ATP8A2: variants seen among roughly 807,000 people sequenced by gnomAD.
The protein encoded by ATP8A2 is phospholipid-transporting ATPase IB.
In ATP8A2, 100 loss-of-function variants were observed where a neutral mutation model predicts 165.6. The ratio of observed to expected loss-of-function variants is 0.60; its 90% CI spans 0.51 to 0.71. The LOEUF is 0.71. Among genes scored for constraint, ATP8A2 ranks in the 30% least tolerant of loss-of-function variants. The pLI is 0.00. For missense variants in ATP8A2, 1,227 were observed against 1,479.5 expected, an observed-to-expected ratio of 0.83 and a Z score of 2.80; for synonymous variants, 543 against 548.8, an observed-to-expected ratio of 0.99 and a Z score of 0.15.
intron 25 of ATP8A2, among the ~76,000 whole-genome samples, chr13:25,766,136 T>C (rs953426124): frequency 6.6e-6 from 1 of 152,202 alleles, no homozygotes; most frequent in African/African-American, 2.4e-5. Flanking sequence ...GATTAAGTGA[T>C]GCCCTCCTTA....
In ATP8A2 at chr13:25,589,407, A is replaced by G. The variant is rs550895197; in HGVS notation, c.2147-228A>G. Among the ~76,000 whole-genome samples the G allele has an allele frequency of 8.5e-5, 13 of 152,354 alleles. No individual in the cohort carries two copies. The South Asian group carries it at 2.1e-3, about 24-fold the overall frequency. Reference sequence around the variant, plus strand: ...ACAGAGATAAAGAAAAATCCACTAAAAATTGGGAAGTATTTATTTTAGCCT... The same window carrying G: ...ACAGAGATAAAGAAAAATCCACTAAGAATTGGGAAGTATTTATTTTAGCCT... On this transcript the variant is annotated intron_variant, in intron 23 of 36. Transcript: ENST00000381655.
At chr13:25,907,032 C>A (rs1164377732) in intron 33 of ATP8A2, among the ~76,000 whole-genome samples, 2 of 152,186 alleles carry the variant, frequency 1.3e-5, no homozygotes, top group Non-Finnish European at 2.9e-5. Flanking sequence ...GAGTTTGAGA[C>A]CAGCCTGGTC....
At position 25,427,227 on chromosome 13, in the gene ATP8A2, G is replaced by A. The variant is rs537040277; in HGVS notation, c.77-41750G>A. On this transcript the variant is annotated intron_variant, in intron 1 of 36. Coordinates refer to ENST00000381655, the MANE Select transcript of ATP8A2 (RefSeq NM_016529.6). ...GAGCTCCGCCTCCTGTCAGATCAGCGGCAGCATTAGACTGTGCATGTGAGG... is the reference window on the plus strand; with the variant it reads ...GAGCTCCGCCTCCTGTCAGATCAGCAGCAGCATTAGACTGTGCATGTGAGG... Among the ~76,000 whole-genome samples the A allele has an allele frequency of 5.3e-5, 8 of 152,062 alleles. No individual in the cohort carries two copies. The East Asian group carries it at 7.8e-4, about 15-fold the overall frequency.
chr13:25,966,940 G>C (rs958099661), intron 34 of ATP8A2, among the ~76,000 whole-genome samples: 1 of 152,212 alleles, frequency 6.6e-6, no homozygotes, highest in Non-Finnish European at 1.5e-5. Flanking sequence ...ATGGTGGAGA[G>C]AGGGATCCTG....
intron 28 of ATP8A2, among the ~76,000 whole-genome samples, chr13:25,836,825 G>A (rs1327747526): frequency 6.6e-6 from 1 of 152,222 alleles, no homozygotes; most frequent in Non-Finnish European, 1.5e-5. Context: ...CAGCTAGCGT[G>A]AGCAGAAAAC....
At chr13:25,417,802 T>C (rs1004774539) in intron 1 of ATP8A2, among the ~76,000 whole-genome samples, 1 of 152,232 alleles carries the variant, frequency 6.6e-6, no homozygotes, top group African/African-American at 2.4e-5. Context: ...GTTCACCAAA[T>C]GTTCATTGAT....
At chr13:25,720,244 T>G (rs1285566663) in intron 25 of ATP8A2, among the ~76,000 whole-genome samples, 2 of 143,754 alleles carry the variant, frequency 1.4e-5, no homozygotes, top group South Asian at 2.2e-4. Flanking sequence ...CTCGGCTCAC[T>G]GCAAGCTCCA....
chr13:25,801,914 A>G (rs892972232), intron 27 of ATP8A2, among the ~76,000 whole-genome samples: 2 of 152,124 alleles, frequency 1.3e-5, no homozygotes, highest in African/African-American at 4.8e-5. Context: ...AAGTGGGGGC[A>G]GAAAGCCACT....
intron 25 of ATP8A2, among the ~76,000 whole-genome samples, chr13:25,721,804 A>G (rs1175519081): frequency 2.0e-5 from 3 of 152,256 alleles, no homozygotes; most frequent in Non-Finnish European, 4.4e-5. Context: ...ATAATATTCC[A>G]TTGTATGGAT....
At chr13:25,439,953 G>A (rs2034886851) in intron 1 of ATP8A2, among the ~76,000 whole-genome samples, 2 of 152,024 alleles carry the variant, frequency 1.3e-5, no homozygotes, top group Non-Finnish European at 2.9e-5. Context: ...CATATTGAGA[G>A]GTCACTGCAG....
intron 7 of ATP8A2, among the ~76,000 whole-genome samples, chr13:25,538,953 G>T (rs1027315883): frequency 5.3e-5 from 8 of 152,054 alleles, no homozygotes; most frequent in African/African-American, 1.7e-4. Context: ...ATTTATGTTT[G>T]TCCATATTGA....
intron 24 of ATP8A2, among the ~76,000 whole-genome samples, chr13:25,640,162 A>C (rs2041479739): frequency 6.6e-6 from 1 of 152,210 alleles, no homozygotes; most frequent in Admixed American, 6.5e-5. Flanking sequence ...GAAAGATCTA[A>C]AATTGACACC....
chr13:26,013,849 A>G (rs1956904676), intron 36 of ATP8A2, among the ~76,000 whole-genome samples: 1 of 152,182 alleles, frequency 6.6e-6, no homozygotes, highest in African/African-American at 2.4e-5. Flanking sequence ...ATTGCTTTTC[A>G]GTAATCTACC....
chr13:25,727,499 A>T (rs891990405), intron 25 of ATP8A2, among the ~76,000 whole-genome samples: 1 of 152,184 alleles, frequency 6.6e-6, no homozygotes, highest in African/African-American at 2.4e-5. Context: ...ATACACTCTC[A>T]CATGCCCTGG....
At chr13:25,601,365 G>A (rs551091656) in intron 24 of ATP8A2, among the ~76,000 whole-genome samples, 1 of 152,240 alleles carries the variant, frequency 6.6e-6, no homozygotes, top group Non-Finnish European at 1.5e-5. Flanking sequence ...GCTTTAAGAT[G>A]AATACGATGT....
At chr13:25,512,859 C>T (rs2037296627) in intron 2 of ATP8A2, among the ~76,000 whole-genome samples, 1 of 130,216 alleles carries the variant, frequency 7.7e-6, no homozygotes, top group African/African-American at 2.9e-5. Context: ...TAGGGGCGGC[C>T]AGGCAGAGGC....
intron 25 of ATP8A2, among the ~76,000 whole-genome samples, chr13:25,711,326 C>T (rs1010751853): frequency 1.3e-5 from 2 of 152,096 alleles, no homozygotes; most frequent in Non-Finnish European, 1.5e-5. Flanking sequence ...TATTAATGAA[C>T]AGTTTCAGGA....
chr13:25,917,567 G>A (rs962762519), intron 33 of ATP8A2, among the ~76,000 whole-genome samples: 1 of 152,222 alleles, frequency 6.6e-6, no homozygotes, highest in African/African-American at 2.4e-5. Context: ...CTAGGCTATA[G>A]TCTTGGGCCT....
At chr13:25,483,556 A>C (rs768033620) in intron 2 of ATP8A2, among the ~76,000 whole-genome samples, 2 of 152,206 alleles carry the variant, frequency 1.3e-5, no homozygotes, top group Non-Finnish European at 2.9e-5. Flanking sequence ...AAGATACTCC[A>C]ATTAATAAAC....
Sources: allele counts gnomAD v4.1 joint callset (sites outside exome capture counted in the v4.1 genomes callset), GRCh38; gene constraint gnomAD v4.1.1; transcripts MANE v1.5; gene names NCBI Gene and HGNC (gene_info 2026-07-23, HGNC 2026-07-21).